The following DMD variants were observed in gnomAD, a reference collection of about 807,000 sequenced individuals.
DMD encodes dystrophin, also known as mutant dystrophin.
DMD carries 63 observed loss-of-function variants against 330.1 expected under a neutral mutation model. The observed-to-expected ratio is 0.19, with a 90% confidence interval of 0.16 to 0.24. The LOEUF (loss-of-function observed/expected upper bound fraction) is 0.24, where lower values mean the gene tolerates loss of function less well. Ranked by LOEUF, DMD falls within the 10% of genes least tolerant of loss-of-function variation. The probability of loss-of-function intolerance (pLI) is 1.00; values close to 1 mark genes in which losing one functional copy is unlikely to be tolerated. For missense variants in DMD, 3,344 were observed against 2,684.1 expected, an observed-to-expected ratio of 1.25 and a Z score of -5.43; for synonymous variants, 1,223 against 959.8, an observed-to-expected ratio of 1.27 and a Z score of -5.07.
intron 2 of DMD, among the ~76,000 whole-genome samples, chrX:32,928,566 T>C (rs898612381): frequency 2.9e-4 from 32 of 111,950 alleles, no homozygotes; most frequent in Non-Finnish European, 3.8e-4. Flanking sequence ...ACATTCAATA[T>C]TTGCCTTCAG....
chrX:32,418,973 A>C (rs867610920), intron 29 of DMD, among the ~76,000 whole-genome samples: 3 of 73,277 alleles, frequency 4.1e-5, no homozygotes, highest in Admixed American at 1.4e-4. Context: ...ACTCTGTCTC[A>C]AAAAAAAAAA....
intron 1 of DMD, among the ~76,000 whole-genome samples, chrX:33,282,512 G>A (rs1273355082): frequency 9.0e-6 from 1 of 111,705 alleles, no homozygotes; most frequent in Non-Finnish European, 1.9e-5. Context: ...AGCCACCTAA[G>A]TATTTCCTGT....
chrX:32,537,432 G>C (rs778870867), intron 17 of DMD, among the ~76,000 whole-genome samples: 2 of 111,528 alleles, frequency 1.8e-5, no homozygotes, highest in Non-Finnish European at 3.8e-5. Flanking sequence ...GGCAGGAATA[G>C]AAGACAGGGA....
intron 55 of DMD, among the ~76,000 whole-genome samples, chrX:31,621,254 CAG>C (rs2078515461): frequency 8.9e-6 from 1 of 111,842 alleles, no homozygotes; most frequent in Admixed American, 9.5e-5. Context: ...AAACATATGA[CAG>C]TGTTGATTTT....
intron 34 of DMD, 31 bp from the exon 35 acceptor site, chrX:32,365,230 A>C (rs772470905): frequency 5.0e-6 from 6 of 1,189,770 alleles, no homozygotes; most frequent in Non-Finnish European, 6.8e-6. Flanking sequence ...ACCTTCAAGT[A>C]ATGTCTTGTA....
At chrX:32,377,081 C>A (rs984031692) in intron 34 of DMD, among the ~76,000 whole-genome samples, 10 of 111,422 alleles carry the variant, frequency 9.0e-5, no homozygotes. Context: ...CCAATTGGAG[C>A]AATACTTCCA....
intron 33 of DMD, among the ~76,000 whole-genome samples, chrX:32,384,477 G>T (rs905701882): frequency 9.0e-6 from 1 of 110,748 alleles, no homozygotes; most frequent in Non-Finnish European, 1.9e-5. Flanking sequence ...TTCTTATTTT[G>T]AAACAAAGTA....
intron 44 of DMD, among the ~76,000 whole-genome samples, chrX:32,181,106 C>T (rs760628493): frequency 8.9e-6 from 1 of 111,993 alleles, no homozygotes; most frequent in Non-Finnish European, 1.9e-5. Context: ...CAGATTCAAA[C>T]AAAAACATTA....
chrX:32,263,190 T>C (rs964952002), intron 43 of DMD, among the ~76,000 whole-genome samples: 1 of 112,157 alleles, frequency 8.9e-6, no homozygotes, highest in Non-Finnish European at 1.9e-5. Context: ...TTATATACAA[T>C]GATACAATTT....
intron 16 of DMD, 127 bp downstream of exon 16, chrX:32,565,575 T>C: frequency 6.1e-6 from 4 of 660,311 alleles, no homozygotes; most frequent in Non-Finnish European, 9.3e-6. Flanking sequence ...ATCATGTTTT[T>C]ATTTAACTAA....
At chrX:31,815,498 A>G (rs1447470421) in intron 50 of DMD, among the ~76,000 whole-genome samples, 1 of 111,125 alleles carries the variant, frequency 9.0e-6, no homozygotes, top group Non-Finnish European at 1.9e-5. Context: ...AGAGCTAGTA[A>G]ATCAGAAACT....
At chrX:31,124,357 C>T (rs1332777412) in intron 78 of DMD, among the ~76,000 whole-genome samples, 1 of 112,053 alleles carries the variant, frequency 8.9e-6, no homozygotes, top group African/African-American at 3.2e-5. Flanking sequence ...TTACAAACTA[C>T]TGCCCTAAAG....
chrX:32,297,294 G>T, intron 42 of DMD, among the ~76,000 whole-genome samples: 1 of 104,044 alleles, frequency 9.6e-6, no homozygotes, highest in African/African-American at 3.6e-5. Flanking sequence ...TTATTTTGGA[G>T]ACAGAGTCTC....
chrX:32,597,807 C>A (rs1341902292), intron 12 of DMD, among the ~76,000 whole-genome samples: 1 of 111,993 alleles, frequency 8.9e-6, no homozygotes, highest in East Asian at 2.8e-4. Context: ...TCCCATAAGA[C>A]CTTACCCTGT....
At chrX:33,075,850 CA>C (rs1444561711) in intron 1 of DMD, among the ~76,000 whole-genome samples, 100 of 110,710 alleles carry the variant, frequency 9.0e-4, no homozygotes, top group African/African-American at 3.0e-3. Context: ...TGGTTTAAAA[CA>C]AAGGCAATGA....
At chrX:31,644,887 C>T (rs1484287825) in intron 54 of DMD, among the ~76,000 whole-genome samples, 1 of 111,802 alleles carries the variant, frequency 8.9e-6, no homozygotes, top group African/African-American at 3.3e-5. Flanking sequence ...TACTCACACA[C>T]ACCAAGTGCT....
At chrX:31,437,343 TA>T (rs1331512939) in intron 60 of DMD, among the ~76,000 whole-genome samples, 1 of 111,658 alleles carries the variant, frequency 9.0e-6, no homozygotes, top group Non-Finnish European at 1.9e-5. Context: ...CTATCATCTG[TA>T]GTTTGGGAAT....
At chrX:32,213,927 T>C (rs759311117) in intron 44 of DMD, among the ~76,000 whole-genome samples, 61 of 109,350 alleles carry the variant, frequency 5.6e-4, no homozygotes, top group Non-Finnish European at 1.3e-4. Context: ...TGAGCTGAGA[T>C]CATGCCACTC....
At chrX:32,714,481 G>C (rs1009960324) in intron 7 of DMD, among the ~76,000 whole-genome samples, 1 of 111,664 alleles carries the variant, frequency 9.0e-6, no homozygotes, top group Non-Finnish European at 1.9e-5. Context: ...CATCCATGTT[G>C]CTGCAAAAGA....
Sources: gnomAD v4.1 joint callset for allele counts (sites outside exome capture counted in the v4.1 genomes callset) on GRCh38, gnomAD v4.1.1 for gene constraint, MANE v1.5 for transcripts, NCBI Gene and HGNC (gene_info 2026-07-23, HGNC 2026-07-21) for gene names.